Variants in USP15 observed in about 807,000 individuals in gnomAD.
The protein encoded by USP15 is ubiquitin carboxyl-terminal hydrolase 15.
USP15 carries 18 observed loss-of-function variants against 127.1 expected under a neutral mutation model. The observed-to-expected ratio is 0.14, with a 90% CI of 0.10 to 0.21. The LOEUF (loss-of-function observed/expected upper bound fraction) is 0.21. USP15 is among the 10% of genes least tolerant of loss of function. USP15 has a pLI of 1.00. For synonymous variants in USP15, 364 were observed against 393.7 expected (o/e 0.92, Z 0.89); for missense variants, 805 against 1,159.9 (o/e 0.69, Z 4.44).
At chr12:62,261,174 C>T (rs779342610) in intron 1 of USP15, among the ~76,000 whole-genome samples, 35 of 152,170 alleles carry the variant, frequency 2.3e-4, no homozygotes, top group Non-Finnish European at 5.0e-4. Context: ...GTTAGACGTG[C>T]AGCCCTTCCC....
Position 62,372,553 on chromosome 12 carries a change from C to A in USP15, c.916-8937C>A, listed in dbSNP as rs556752129. 2.7e-4 allele frequency among the ~76,000 whole-genome samples: 41 copies of A among 152,150 alleles called. No individual in the cohort carries two copies. In the South Asian group the frequency reaches 7.7e-3, roughly 28 times the overall value. On this transcript the variant is annotated intron_variant, in intron 8 of 21. Coordinates refer to ENST00000280377, the MANE Select transcript of USP15 (RefSeq NM_001252078.2). ...AATCAATAAACTTTAAAAAAAAATT[C>A]TGCTGTCCTTTCCTGTATGCCTTTG...
intron 2 of USP15, 115 bp from the exon 3 acceptor site, chr12:62,302,675 C>G: frequency 8.4e-7 from 1 of 1,186,720 alleles, no homozygotes; most frequent in Non-Finnish European, 1.2e-6. Flanking sequence ...AGCTGAATTG[C>G]TTTAGAGCTT....
At chr12:62,398,997 T>G (rs1181190850) in intron 20 of USP15, among the ~76,000 whole-genome samples, 2 of 152,210 alleles carry the variant, frequency 1.3e-5, no homozygotes, top group Non-Finnish European at 2.9e-5. Context: ...GATTTGACAT[T>G]CTTTGCCCCT....
rs2137725395 is a variant in USP15, at chr12:62,414,943, G to A, written c.*10568G>A. 7.2e-6 allele frequency: 1 copy of A among 139,766 alleles called. No homozygotes were observed. Among genetic ancestry groups the A allele is most frequent in the South Asian group, 2.3e-4 (1 of 4,406 alleles). The allele number at this position is 139,766 out of a possible 1,614,324, so 8.7% of individuals were successfully genotyped here. A position where few individuals can be genotyped will look rare whatever the true frequency, so the allele number is the denominator to read the frequency against. On this transcript the variant is annotated 3_prime_UTR_variant, in exon 22 of 22. Coordinates refer to ENST00000280377, the MANE Select transcript of USP15 (RefSeq NM_001252078.2). ...ATATGTGTATACACATATATGTATA[G>A]CTCTCTCCCTCATATATACACATAT...
intron 8 of USP15, among the ~76,000 whole-genome samples, chr12:62,372,394 A>G (rs117936650): frequency 6.6e-6 from 1 of 152,292 alleles, no homozygotes; most frequent in East Asian, 1.9e-4. Context: ...TCAGTGAATG[A>G]TAGGAAAAAA....
intron 7 of USP15, among the ~76,000 whole-genome samples, chr12:62,350,357 A>G (rs948882204): frequency 6.6e-6 from 1 of 152,208 alleles, no homozygotes; most frequent in Admixed American, 6.5e-5. Context: ...AGAATTTAAT[A>G]TGATCAGGAG....
intron 3 of USP15, among the ~76,000 whole-genome samples, chr12:62,309,589 G>A (rs2064595235): frequency 6.6e-6 from 1 of 151,974 alleles, no homozygotes; most frequent in African/African-American, 2.4e-5. Flanking sequence ...CATAAAACCT[G>A]AAGGACATTA....
intron 1 of USP15, among the ~76,000 whole-genome samples, chr12:62,285,876 A>G (rs2063772038): frequency 6.6e-6 from 1 of 152,092 alleles, no homozygotes; most frequent in South Asian, 2.1e-4. Flanking sequence ...TTTTCCATAA[A>G]GGTTGTACTA....
At chr12:62,350,464 A>G (rs2065935854) in intron 7 of USP15, among the ~76,000 whole-genome samples, 1 of 152,164 alleles carries the variant, frequency 6.6e-6, no homozygotes, top group Admixed American at 6.6e-5. Context: ...TTTAAATCCA[A>G]GATAATTGTT....
intron 8 of USP15, among the ~76,000 whole-genome samples, chr12:62,363,550 C>A (rs961791739): frequency 6.6e-6 from 1 of 152,140 alleles, no homozygotes; most frequent in South Asian, 2.1e-4. Context: ...CTTCTTCAGT[C>A]ACCCTGTAAA....
intron 4 of USP15, among the ~76,000 whole-genome samples, chr12:62,320,670 G>T (rs1016320871): frequency 1.6e-4 from 24 of 152,040 alleles, no homozygotes; most frequent in Non-Finnish European, 3.1e-4. Context: ...AACATTAGCT[G>T]CTAAGTAGAT....
intron 8 of USP15, among the ~76,000 whole-genome samples, chr12:62,362,212 A>G (rs887292772): frequency 5.3e-5 from 8 of 152,134 alleles, no homozygotes; most frequent in Non-Finnish European, 7.4e-5. Flanking sequence ...CAATCAACCT[A>G]TAAGAAATGC....
chr12:62,291,185 T>A (rs2063956967), intron 1 of USP15, among the ~76,000 whole-genome samples: 1 of 152,190 alleles, frequency 6.6e-6, no homozygotes, highest in Admixed American at 6.5e-5. Context: ...TTTCTTTTCT[T>A]TTCTTTCTCG....
intron 3 of USP15, among the ~76,000 whole-genome samples, chr12:62,308,371 T>C (rs905056524): frequency 6.6e-6 from 1 of 152,022 alleles, no homozygotes; most frequent in African/African-American, 2.4e-5. Flanking sequence ...TCTGGTGTAA[T>C]CCTTTCCCAC....
At chr12:62,274,800 AT>A (rs2063441454) in intron 1 of USP15, among the ~76,000 whole-genome samples, 2 of 152,314 alleles carry the variant, frequency 1.3e-5, no homozygotes, top group South Asian at 4.1e-4. Flanking sequence ...CATTTATATT[AT>A]GCAGATACTA....
rs967726101 is a variant in USP15, at chr12:62,413,788, T to A, written c.*9413T>A. The A allele has an allele frequency of 2.6e-5, 4 of 152,214 alleles. No individual in the cohort carries two copies. Among genetic ancestry groups the A allele is most frequent in the Admixed American group, 6.5e-5 (1 of 15,280 alleles). The allele number at this position is 152,214 out of a possible 1,614,324, so 9.4% of individuals were successfully genotyped here. ...TCATGTGTTCACTTGAGTAGCACTTTTAATTTCAGGAACTCTTCCTTTGGA... is the reference window on the plus strand; with the variant it reads ...TCATGTGTTCACTTGAGTAGCACTTATAATTTCAGGAACTCTTCCTTTGGA... On this transcript the variant is annotated 3_prime_UTR_variant, in exon 22 of 22. Coordinates refer to ENST00000280377, the MANE Select transcript of USP15 (RefSeq NM_001252078.2).
intron 3 of USP15, chr12:62,312,332 C>A: frequency 3.0e-6 from 1 of 334,002 alleles, no homozygotes; most frequent in Admixed American, 3.3e-5. Flanking sequence ...TGAAACTTTT[C>A]ATACACAGAC....
At chr12:62,400,613 T>TAA (rs5798641) in intron 20 of USP15, among the ~76,000 whole-genome samples, 7,954 of 137,368 alleles carry the variant, frequency 0.058, 280 homozygotes, top group Middle Eastern at 0.091. Flanking sequence ...ATTCTGGTGT[T>TAA]AAAAAAAAAA....
chr12:62,352,316 AGTTT>A (rs1321106507), intron 7 of USP15, among the ~76,000 whole-genome samples: 2 of 151,830 alleles, frequency 1.3e-5, no homozygotes, highest in East Asian at 3.9e-4. Context: ...ACTGTAATAT[AGTTT>A]GTTTACCTTG....
Sources: allele counts gnomAD v4.1 joint callset (sites outside exome capture counted in the v4.1 genomes callset), GRCh38; gene constraint gnomAD v4.1.1; transcripts MANE v1.5; gene names NCBI Gene and HGNC (gene_info 2026-07-23, HGNC 2026-07-21).